The following MCPH1 variants were observed in gnomAD, a reference collection of about 807,000 sequenced individuals.
The protein encoded by MCPH1 is microcephalin 1.
In MCPH1, 104 loss-of-function variants were observed where a neutral mutation model predicts 84.5. That is an observed-to-expected ratio of 1.23 (90% CI 1.05 to 1.45). The LOEUF (loss-of-function observed/expected upper bound fraction) is 1.45, where lower values mean the gene tolerates loss of function less well. MCPH1 is among the 40% of genes most tolerant of loss of function. The pLI is 0.00. For missense variants in MCPH1, 1,498 were observed against 1,005.7 expected, an observed-to-expected ratio of 1.49 and a Z score of -6.62; for synonymous variants, 514 against 366.8, an observed-to-expected ratio of 1.40 and a Z score of -4.58.
intron 12 of MCPH1, among the ~76,000 whole-genome samples, chr8:6,514,044 A>G (rs910157100): frequency 6.6e-6 from 1 of 152,192 alleles, no homozygotes; most frequent in Non-Finnish European, 1.5e-5. Context: ...CTGCTGGAAG[A>G]AAACTTGTAT....
At chr8:6,553,553 G>C (rs997116948) in intron 12 of MCPH1, among the ~76,000 whole-genome samples, 2 of 152,152 alleles carry the variant, frequency 1.3e-5, no homozygotes, top group African/African-American at 4.8e-5. Flanking sequence ...TTTTGGTATA[G>C]AACGCCTTTA....
rs922487019 is a variant in MCPH1, at chr8:6,541,493, AG to A, written c.2214+41565del. Among the ~76,000 whole-genome samples, 19 of 152,300 alleles carry A rather than the reference AG, an allele frequency of 1.2e-4. 3 individuals are homozygous for A. Among genetic ancestry groups the A allele is most frequent in the African/African-American group, 4.3e-4 (18 of 41,564 alleles). On this transcript the variant is annotated intron_variant, in intron 12 of 13. Transcript: ENST00000344683. Reference sequence around the variant, plus strand: ...GGCAGGCCTGGAGACAGGAAACCAAAGCCAGGGTTGTCATGCAGGAGTGAGA... The same window carrying A: ...GGCAGGCCTGGAGACAGGAAACCAAACCAGGGTTGTCATGCAGGAGTGAGA...
intron 13 of MCPH1, among the ~76,000 whole-genome samples, chr8:6,630,827 AAAG>A (rs1797108044): frequency 6.6e-6 from 1 of 152,058 alleles, no homozygotes; most frequent in Non-Finnish European, 1.5e-5. Flanking sequence ...TCAACAAAAA[AAAG>A]AAAATTTTAA....
chr8:6,554,887 A>G (rs1051076565), intron 12 of MCPH1, among the ~76,000 whole-genome samples: 4 of 152,214 alleles, frequency 2.6e-5, no homozygotes, highest in African/African-American at 9.7e-5. Context: ...TAGGTTTCAC[A>G]TCTTTTGTCA....
In MCPH1 at chr8:6,436,876, A is replaced by G. The variant is rs893434813; in HGVS notation, c.436+714A>G. Among the ~76,000 whole-genome samples the G allele has an allele frequency of 1.4e-4, 21 of 152,152 alleles. 2 individuals carry two copies. Among genetic ancestry groups the G allele is most frequent in the African/African-American group, 4.8e-4 (20 of 41,538 alleles). ...TCCCAGCTACTTGGGAGGCTGAGGCAGGAGAATGGGGTGAACCTGGGAGGC... is the reference window on the plus strand; with the variant it reads ...TCCCAGCTACTTGGGAGGCTGAGGCGGGAGAATGGGGTGAACCTGGGAGGC... On this transcript the variant is annotated intron_variant, in intron 5 of 13. Coordinates refer to ENST00000344683, the MANE Select transcript of MCPH1 (RefSeq NM_024596.5).
intron 3 of MCPH1, among the ~76,000 whole-genome samples, 188 bp from the exon 4 acceptor site, chr8:6,431,311 T>C (rs1361668943): frequency 1.3e-5 from 2 of 152,208 alleles, no homozygotes; most frequent in African/African-American, 4.8e-5. Context: ...AAATACCAGA[T>C]AGAGATGATT....
intron 9 of MCPH1, among the ~76,000 whole-genome samples, chr8:6,459,216 G>T (rs559702917): frequency 2.6e-5 from 4 of 152,086 alleles, no homozygotes; most frequent in African/African-American, 7.2e-5. Flanking sequence ...TGCTTATTTT[G>T]TTCCTTGTTA....
intron 12 of MCPH1, among the ~76,000 whole-genome samples, chr8:6,568,751 G>A (rs1305284687): frequency 6.6e-6 from 1 of 152,208 alleles, no homozygotes; most frequent in African/African-American, 2.4e-5. Context: ...CCCCTCCTGA[G>A]ACTGTCTCCC....
At chr8:6,407,776 C>G (rs540181961) in intron 1 of MCPH1, among the ~76,000 whole-genome samples, 40 of 152,320 alleles carry the variant, frequency 2.6e-4, no homozygotes, top group Admixed American at 6.5e-4. Context: ...AGGATATCCA[C>G]TAGAACAGGG....
At chr8:6,625,598 G>C in intron 13 of MCPH1, 2 of 985,240 alleles carry the variant, frequency 2.0e-6, no homozygotes, top group South Asian at 9.4e-5. Flanking sequence ...ATTCAAACTG[G>C]AATATCAACT....
intron 12 of MCPH1, among the ~76,000 whole-genome samples, chr8:6,577,837 C>T (rs958994535): frequency 6.6e-6 from 1 of 152,206 alleles, no homozygotes; most frequent in African/African-American, 2.4e-5. Context: ...TCTTCTTAAT[C>T]TCCCTACAGA....
At chr8:6,433,442 G>A (rs1339071131) in intron 4 of MCPH1, among the ~76,000 whole-genome samples, 3 of 151,870 alleles carry the variant, frequency 2.0e-5, no homozygotes, top group Non-Finnish European at 1.5e-5. Flanking sequence ...AGAGCAGCCT[G>A]GCCAACATGG....
intron 11 of MCPH1, among the ~76,000 whole-genome samples, chr8:6,493,000 A>G (rs1586092689): frequency 1.3e-5 from 2 of 152,162 alleles, no homozygotes; most frequent in East Asian, 1.9e-4. Flanking sequence ...AGTAGCCATA[A>G]TATTTGGTTT....
intron 11 of MCPH1, among the ~76,000 whole-genome samples, chr8:6,489,140 C>T (rs955622427): frequency 6.6e-6 from 1 of 152,050 alleles, no homozygotes; most frequent in African/African-American, 2.4e-5. Flanking sequence ...TCCTACTGGA[C>T]ATTCAAATAG....
intron 2 of MCPH1, among the ~76,000 whole-genome samples, chr8:6,411,823 T>TG (rs1457867311): frequency 1.3e-5 from 2 of 152,044 alleles, no homozygotes; most frequent in Admixed American, 6.6e-5. Context: ...TGGGAGGGGT[T>TG]GGGGGCGGGA....
chr8:6,509,166 GTAC>G (rs1814416319), intron 12 of MCPH1: 3 of 1,448,774 alleles, frequency 2.1e-6, no homozygotes, highest in Non-Finnish European at 2.8e-6. Flanking sequence ...AGCGTGTTCT[GTAC>G]TCGTTAATGG....
At chr8:6,513,367 C>T (rs919020404) in intron 12 of MCPH1, among the ~76,000 whole-genome samples, 1 of 142,854 alleles carries the variant, frequency 7.0e-6, no homozygotes, top group African/African-American at 2.6e-5. Flanking sequence ...GAGTCTTGCT[C>T]TGTCGCCCAG....
At chr8:6,463,259 G>A (rs980311394) in intron 9 of MCPH1, among the ~76,000 whole-genome samples, 5 of 152,166 alleles carry the variant, frequency 3.3e-5, no homozygotes, top group African/African-American at 7.2e-5. Context: ...AGAAATGCCC[G>A]CTTGGGGGAT....
intron 10 of MCPH1, among the ~76,000 whole-genome samples, chr8:6,479,626 A>G (rs1053127139): frequency 8.6e-5 from 13 of 151,932 alleles, no homozygotes; most frequent in Non-Finnish European, 1.9e-4. Context: ...TAGTAGAGAC[A>G]GCGTTTCACC....
Sources: gnomAD v4.1 joint callset for allele counts (sites outside exome capture counted in the v4.1 genomes callset) on GRCh38, gnomAD v4.1.1 for gene constraint, MANE v1.5 for transcripts, NCBI Gene and HGNC (gene_info 2026-07-23, HGNC 2026-07-21) for gene names.